The following GGACT variants were observed in gnomAD, a reference collection of about 807,000 sequenced individuals.
GGACT encodes gamma-glutamylaminecyclotransferase.
For missense variants in GGACT, 241 were observed against 233.2 expected, an observed-to-expected ratio of 1.03 and a Z score of -0.22; for synonymous variants, 118 against 115.3, an observed-to-expected ratio of 1.02 and a Z score of -0.15.
chr13:100,552,015 C>T (rs1475140419), intron 2 of GGACT, among the ~76,000 whole-genome samples: 1 of 152,204 alleles, frequency 6.6e-6, no homozygotes, highest in South Asian at 2.1e-4. Flanking sequence ...CATGCTGGCT[C>T]TACAGCCACC....
At position 100,534,376 on chromosome 13, in the gene GGACT, A is replaced by C. The variant is rs2088459937; in HGVS notation, c.-10-1775T>G. 6.6e-6 allele frequency among the ~76,000 whole-genome samples: 1 copy of C among 152,126 alleles called. No homozygotes were observed. The highest frequency in any genetic ancestry group is 6.5e-5 in the Admixed American group (1 of 15,290). ...GACCTGGGGGGCATGCTGGGATAGG[A>C]AAGTTGAGATGTGAATTAAGGAGAA... On this transcript the variant is annotated intron_variant, in intron 2 of 2. Coordinates refer to ENST00000683975, the MANE Select transcript of GGACT (RefSeq NM_001195087.2). The surrounding 1 kb of genome is among the most constrained non-coding windows in gnomAD (Gnocchi z 4.9).
At chr13:100,548,628 A>T (rs1015120099) in intron 2 of GGACT, among the ~76,000 whole-genome samples, 1 of 152,262 alleles carries the variant, frequency 6.6e-6, no homozygotes, top group African/African-American at 2.4e-5. Flanking sequence ...AGTCCCCTGG[A>T]GAGGGACTGC....
chr13:100,540,418 T>A (rs982251798), intron 2 of GGACT, among the ~76,000 whole-genome samples: 2 of 152,172 alleles, frequency 1.3e-5, no homozygotes, highest in African/African-American at 4.8e-5. Flanking sequence ...TAATTGTTCA[T>A]AATATTCTCT....
chr13:100,571,506 G>A (rs950475138), intron 2 of GGACT, among the ~76,000 whole-genome samples: 6 of 152,124 alleles, frequency 3.9e-5, no homozygotes, highest in Admixed American at 6.5e-5. Flanking sequence ...TTGTAGAGAC[G>A]GGGTCTCATT....
chr13:100,531,983 T>C lies in GGACT; in HGVS notation c.*147A>G, dbSNP rs963074647. 2 of 499,304 alleles carry C rather than the reference T, an allele frequency of 4.0e-6. No individual in the cohort carries two copies. Among genetic ancestry groups the C allele is most frequent in the East Asian group, 6.5e-5 (2 of 30,688 alleles). 30.9% of individuals were successfully genotyped at this position (499,304 alleles called of 1,614,324 possible). On this transcript the variant is annotated 3_prime_UTR_variant, in exon 3 of 3. Transcript: ENST00000683975. ...GCTATTCGTATCTCAACATTATTTG[T>C]AAAATCAGCTGCCACTGAAAGATTG...
intron 2 of GGACT, among the ~76,000 whole-genome samples, chr13:100,568,220 G>A: frequency 6.6e-6 from 1 of 152,248 alleles, no homozygotes; most frequent in African/African-American, 2.4e-5. Flanking sequence ...ACATCCTGCT[G>A]TCAGGGGTTA....
At chr13:100,549,661 G>C (rs1473816343) in intron 2 of GGACT, among the ~76,000 whole-genome samples, 2 of 152,236 alleles carry the variant, frequency 1.3e-5, no homozygotes. Flanking sequence ...TTTGCCTTCA[G>C]CATCACCTTT....
At chr13:100,540,859 T>C (rs531883837) in intron 2 of GGACT, among the ~76,000 whole-genome samples, 5 of 152,312 alleles carry the variant, frequency 3.3e-5, no homozygotes, top group Admixed American at 6.5e-5. Context: ...TGAGAAAATG[T>C]CGGGCTCCTC....
chr13:100,557,570 C>CA (rs949213830), intron 2 of GGACT, among the ~76,000 whole-genome samples: 11 of 151,356 alleles, frequency 7.3e-5, no homozygotes, highest in African/African-American at 1.9e-4. Flanking sequence ...TATCCATATG[C>CA]AAAAAAAATA....
chr13:100,585,160 C>G (rs1329894789), intron 1 of GGACT, among the ~76,000 whole-genome samples: 1 of 152,196 alleles, frequency 6.6e-6, no homozygotes, highest in Non-Finnish European at 1.5e-5. Flanking sequence ...GTGAGGCACC[C>G]TACAGGCAAT....
chr13:100,556,512 G>A (rs1417390625), intron 2 of GGACT, among the ~76,000 whole-genome samples: 1 of 151,964 alleles, frequency 6.6e-6, no homozygotes, highest in Non-Finnish European at 1.5e-5. Context: ...ATGTTTTGAT[G>A]GATAATTTTC....
intron 2 of GGACT, among the ~76,000 whole-genome samples, chr13:100,579,818 T>C (rs762006855): frequency 2.6e-5 from 4 of 152,236 alleles, no homozygotes; most frequent in Non-Finnish European, 4.4e-5. Flanking sequence ...AAAACTATGA[T>C]TGAACACGTT....
chr13:100,578,546 T>C (rs936487415), intron 2 of GGACT, among the ~76,000 whole-genome samples: 1 of 152,228 alleles, frequency 6.6e-6, no homozygotes, highest in Non-Finnish European at 1.5e-5. Context: ...GTGAGTCTAC[T>C]TGACTTCTGT....
chr13:100,539,655 T>G (rs2088531178), intron 2 of GGACT: 1 of 516,494 alleles, frequency 1.9e-6, no homozygotes, highest in Non-Finnish European at 3.4e-6. Context: ...AATATTAGTC[T>G]GTAGTTTTCT....
At chr13:100,577,783 G>GA (rs902256591) in intron 2 of GGACT, among the ~76,000 whole-genome samples, 5 of 144,880 alleles carry the variant, frequency 3.5e-5, no homozygotes, top group Non-Finnish European at 3.0e-5. Flanking sequence ...GCTGAAAAGG[G>GA]AAAAAAAAGA....
intron 2 of GGACT, among the ~76,000 whole-genome samples, chr13:100,571,893 A>T (rs778304140): frequency 5.3e-5 from 8 of 152,272 alleles, no homozygotes; most frequent in Non-Finnish European, 1.2e-4. Context: ...TATCACAGAT[A>T]TAATAATGCC....
At chr13:100,586,399 AAAAC>A (rs999416307) in intron 1 of GGACT, among the ~76,000 whole-genome samples, 213 of 152,292 alleles carry the variant, frequency 1.4e-3, no homozygotes, top group African/African-American at 4.4e-3. Context: ...CCCAATAAGC[AAAAC>A]AAACAAACAA....
chr13:100,541,296 A>ACTTGG lies in GGACT; in HGVS notation c.-10-8696_-10-8695insCCAAG, dbSNP rs773545798. On this transcript the variant is annotated intron_variant, in intron 2 of 2. Transcript: ENST00000683975. ...GGACAGAGTGCAGGGCAAGTATCAAACAATCCACTGTGCCATAACAGGCCT... is the reference window on the plus strand; with the variant it reads ...GGACAGAGTGCAGGGCAAGTATCAAACTTGGCAATCCACTGTGCCATAACAGGCCT... Among the ~76,000 whole-genome samples, 1,296 of 152,332 alleles carry ACTTGG rather than the reference A, an allele frequency of 8.5e-3. 10 individuals are homozygous for ACTTGG. The highest frequency in any genetic ancestry group is 0.015 in the Non-Finnish European group (997 of 68,026).
intron 2 of GGACT, among the ~76,000 whole-genome samples, chr13:100,566,720 C>A (rs1180311324): frequency 6.6e-6 from 1 of 152,236 alleles, no homozygotes; most frequent in Non-Finnish European, 1.5e-5. Context: ...TATCCCTGAA[C>A]ACAGTCATGT....
Sources: allele counts gnomAD v4.1 joint callset (sites outside exome capture counted in the v4.1 genomes callset), GRCh38; gene constraint gnomAD v4.1.1; non-coding constraint Gnocchi (gnomAD v3.1); transcripts MANE v1.5; gene names NCBI Gene and HGNC (gene_info 2026-07-23, HGNC 2026-07-21).